The following PPP3CC variants were observed in gnomAD, a reference collection of about 807,000 sequenced individuals.
PPP3CC encodes the protein serine/threonine-protein phosphatase 2B catalytic subunit gamma isoform.
In PPP3CC, 35 loss-of-function variants were observed where a neutral mutation model predicts 60.3. The observed-to-expected ratio is 0.58, with a 90% CI of 0.44 to 0.77. The LOEUF (loss-of-function observed/expected upper bound fraction) is 0.77, where lower values mean the gene tolerates loss of function less well. Ranked by LOEUF, PPP3CC falls within the 30% of genes least tolerant of loss-of-function variation. PPP3CC has a pLI of 0.00. For synonymous variants in PPP3CC, 206 were observed against 224.3 expected, an observed-to-expected ratio of 0.92 and a Z score of 0.73; for missense variants, 570 against 628.9, an observed-to-expected ratio of 0.91 and a Z score of 1.00.
rs185521598 is a variant in PPP3CC at position 22,464,252 on chromosome 8, T to C, written c.50-10702T>C. 2.3e-3 allele frequency among the ~76,000 whole-genome samples: 350 copies of C among 152,300 alleles called. 1 individual carries two copies. The highest frequency in any genetic ancestry group is 4.1e-3 in the Non-Finnish European group (281 of 68,020). On this transcript the variant is annotated intron_variant, in intron 1 of 13. Transcript: ENST00000240139. Reference sequence around the variant, plus strand: ...AAATTCAGAGTATGCCAAACAAAGCTAATAATTTTTATAATCCTTTAAAAA... The same window carrying C: ...AAATTCAGAGTATGCCAAACAAAGCCAATAATTTTTATAATCCTTTAAAAA...
intron 10 of PPP3CC, 92 bp from the exon 11 acceptor site, chr8:22,532,131 TTG>T (rs1839732190): frequency 1.2e-6 from 1 of 843,368 alleles, no homozygotes; most frequent in South Asian, 2.2e-5. Flanking sequence ...TTAAAAACAA[TTG>T]TTTCTTTAAC....
chr8:22,459,914 A>G (rs902076802), intron 1 of PPP3CC, among the ~76,000 whole-genome samples: 9 of 152,188 alleles, frequency 5.9e-5, no homozygotes, highest in African/African-American at 1.4e-4. Context: ...CTTTTGAAAA[A>G]TTGTTCTTCT....
chr8:22,475,531 C>T lies in PPP3CC; in HGVS notation c.279C>T (p.Asp93=), dbSNP rs1322027924. Residue 93 remains aspartate, a synonymous_variant, in exon 3 of 14, where the codon GAC becomes GAT. Transcript: ENST00000240139. The part of the protein sequence containing the change: ...VCGDIHGQFF[D]LMKLFEVGGS... ...GTGATATTCATGGACAATTCTTTGA[C>T]CTAATGAAGTTATTTGAAGTTGGAG... 6.2e-7 allele frequency: 1 copy of T among 1,610,658 alleles called. No homozygotes were observed. The highest frequency in any genetic ancestry group is 1.1e-5 in the South Asian group (1 of 90,794).
At chr8:22,519,042 A>G (rs1839333336) in intron 6 of PPP3CC, among the ~76,000 whole-genome samples, 1 of 152,124 alleles carries the variant, frequency 6.6e-6, no homozygotes, top group Non-Finnish European at 1.5e-5. Context: ...TTGTTGCTTT[A>G]TATATTTAGG....
chr8:22,473,311 A>AAT (rs1837786709), intron 1 of PPP3CC, among the ~76,000 whole-genome samples: 1 of 152,176 alleles, frequency 6.6e-6, no homozygotes, highest in Non-Finnish European at 1.5e-5. Context: ...CTGTGTTATA[A>AAT]AGTAGGCACA....
chr8:22,486,818 C>A (rs953191395), intron 3 of PPP3CC, among the ~76,000 whole-genome samples: 1 of 151,612 alleles, frequency 6.6e-6, no homozygotes, highest in Non-Finnish European at 1.5e-5. Flanking sequence ...CAGCCTCTGC[C>A]TCCCAGGTTT....
intron 3 of PPP3CC, 43 bp from the exon 4 acceptor site, chr8:22,497,958 T>C (rs757283036): frequency 3.7e-6 from 5 of 1,353,540 alleles, no homozygotes; most frequent in Non-Finnish European, 5.2e-6. Flanking sequence ...TTATGCATTA[T>C]AATGGTCACA....
At chr8:22,510,182 C>A (rs1299218884) in intron 4 of PPP3CC, among the ~76,000 whole-genome samples, 337 of 87,982 alleles carry the variant, frequency 3.8e-3, no homozygotes, top group South Asian at 5.3e-3. Context: ...GACTCCGTCT[C>A]AAAAAAAAAA....
chr8:22,474,775 A>G (rs1837836206), intron 1 of PPP3CC, among the ~76,000 whole-genome samples, 179 bp from the exon 2 acceptor site: 1 of 152,164 alleles, frequency 6.6e-6, no homozygotes. Flanking sequence ...TCACCTTTTT[A>G]TACTTAGAAT....
intron 3 of PPP3CC, chr8:22,493,127 T>A: frequency 6.4e-7 from 1 of 1,552,034 alleles, no homozygotes; most frequent in Non-Finnish European, 8.8e-7. Flanking sequence ...TTGAGTCAAC[T>A]TCTGAAGATA....
intron 6 of PPP3CC, among the ~76,000 whole-genome samples, chr8:22,514,757 C>T (rs868223426): frequency 4.7e-5 from 7 of 149,468 alleles, no homozygotes; most frequent in Middle Eastern, 3.4e-3. Flanking sequence ...CTCAGCTCAC[C>T]GCATCCTCCA....
chr8:22,468,558 C>T (rs1405169752), intron 1 of PPP3CC, among the ~76,000 whole-genome samples: 2 of 151,648 alleles, frequency 1.3e-5, no homozygotes, highest in East Asian at 3.9e-4. Flanking sequence ...AATCAGCTGG[C>T]AAATTAGAGA....
chr8:22,529,705 A>G (rs1839651861), intron 10 of PPP3CC, among the ~76,000 whole-genome samples: 1 of 152,048 alleles, frequency 6.6e-6, no homozygotes, highest in East Asian at 1.9e-4. Flanking sequence ...GCTAGTCTGG[A>G]ACTCCTGAGC....
intron 3 of PPP3CC, among the ~76,000 whole-genome samples, chr8:22,479,871 T>C (rs78639208): frequency 0.016 from 2,470 of 152,218 alleles, 63 homozygotes; most frequent in African/African-American, 0.057. Flanking sequence ...ATGTTATGTA[T>C]TGCTGTTTGA....
At position 22,465,548 on chromosome 8, in the gene PPP3CC, G is replaced by A. The variant is rs953187600; in HGVS notation, c.50-9406G>A. Among the ~76,000 whole-genome samples, 7 of 152,166 alleles carry A rather than the reference G, an allele frequency of 4.6e-5. No individual in the cohort carries two copies. In the South Asian group the frequency reaches 1.0e-3, roughly 23 times the overall value. On this transcript the variant is annotated intron_variant, in intron 1 of 13. Coordinates refer to ENST00000240139, the MANE Select transcript of PPP3CC (RefSeq NM_005605.5). ...AGCCACCTCTAATGAATGCATTAAT[G>A]TTGATTATAAAAGGGCTTAAGGCTG...
intron 1 of PPP3CC, among the ~76,000 whole-genome samples, chr8:22,442,741 T>C (rs1836708470): frequency 6.6e-6 from 1 of 152,192 alleles, no homozygotes; most frequent in African/African-American, 2.4e-5. Flanking sequence ...TATAGCCCTC[T>C]CTTAAGATTC....
intron 4 of PPP3CC, among the ~76,000 whole-genome samples, chr8:22,502,165 TG>T (rs1175473626): frequency 2.6e-5 from 4 of 151,944 alleles, no homozygotes; most frequent in Non-Finnish European, 5.9e-5. Flanking sequence ...GAAAGAGGAG[TG>T]GATTATACAT....
In PPP3CC at chr8:22,513,390, A is replaced by G. The variant is rs1482939004; in HGVS notation, c.728A>G (p.His243Arg). Residue 243 changes from histidine (H) to arginine (R), a missense_variant, in exon 6 of 14, where the codon CAC becomes CGC. Coordinates refer to ENST00000240139, the MANE Select transcript of PPP3CC (RefSeq NM_005605.5). ...TATGGCAATGAGAAGACCTTGGAGC[A>G]CTATACCCACAACACTGTCCGAGGG... Reference protein sequence around the residue: ...EDYGNEKTLEHYTHNTVRGCS... With the variant: ...EDYGNEKTLERYTHNTVRGCS... The G allele has an allele frequency of 6.2e-7, 1 of 1,613,858 alleles. No individual in the cohort carries two copies. Among genetic ancestry groups the G allele is most frequent in the Non-Finnish European group, 8.5e-7 (1 of 1,179,928 alleles).
chr8:22,522,267 A>G (rs557092878), intron 6 of PPP3CC, among the ~76,000 whole-genome samples: 4 of 152,204 alleles, frequency 2.6e-5, no homozygotes, highest in East Asian at 1.9e-4. Context: ...AGCTCTTTCT[A>G]TTGTAGGATT....
Sources: gnomAD v4.1 joint callset for allele counts (sites outside exome capture counted in the v4.1 genomes callset) on GRCh38, gnomAD v4.1.1 for gene constraint, MANE v1.5 for transcripts, NCBI Gene and HGNC (gene_info 2026-07-23, HGNC 2026-07-21) for gene names.